SERINC3: variants seen among roughly 807,000 people sequenced by gnomAD.
The protein encoded by SERINC3 is tumor differentially expressed protein 1.
Under a neutral mutation model 52.1 loss-of-function variants are expected in SERINC3, and 22 were observed. That is an observed-to-expected ratio of 0.42 (90% confidence interval 0.30 to 0.60). SERINC3 has a LOEUF of 0.60. SERINC3 is among the 20% of genes least tolerant of loss of function. SERINC3 has a pLI of 0.16. For missense variants in SERINC3, 564 were observed against 584.6 expected (o/e 0.96, Z 0.36); for synonymous variants, 226 against 212.7 (o/e 1.06, Z -0.54).
At chr20:44,520,364 C>T (rs1568792853) in intron 1 of SERINC3, among the ~76,000 whole-genome samples, 2 of 152,172 alleles carry the variant, frequency 1.3e-5, no homozygotes, top group Admixed American at 1.3e-4. Flanking sequence ...CCCGTTCCCT[C>T]TACACCTTGT....
chr20:44,505,465 T>C (rs917866321), intron 6 of SERINC3, among the ~76,000 whole-genome samples: 6 of 132,366 alleles, frequency 4.5e-5, no homozygotes, highest in African/African-American at 1.7e-4. Context: ...GGGATTACAG[T>C]GCCCGCCACC....
Position 44,512,831 on chromosome 20 carries a change from C to T in SERINC3, c.365G>A (p.Ser122Asn), listed in dbSNP as rs1555830242. The T allele has an allele frequency of 2.5e-6, 4 of 1,575,728 alleles. No homozygotes were observed. The highest frequency in any genetic ancestry group is 2.3e-5 in the East Asian group (1 of 42,886). Residue 122 changes from serine (S) to asparagine (N), a missense_variant, in exon 3 of 10, where the codon AGT becomes AAT. Transcript: ENST00000342374. ...FSLLMFKVKT[S>N]KDLRAAVHNG... ...GTGTACTGCCGCTCGGAGATCTTTA[C>T]TTGTTTTTACTTTGAACATGAGCAG...
chr20:44,516,413 G>C (rs1823814510), intron 1 of SERINC3, among the ~76,000 whole-genome samples: 1 of 150,724 alleles, frequency 6.6e-6, no homozygotes, highest in Admixed American at 6.6e-5. Context: ...TTTTTTTTGA[G>C]ACAGGTTCTC....
At chr20:44,514,486 G>A (rs1382631788) in intron 1 of SERINC3, among the ~76,000 whole-genome samples, 3 of 152,234 alleles carry the variant, frequency 2.0e-5, no homozygotes, top group Admixed American at 6.5e-5. Context: ...CATGCCGGGC[G>A]TGGTGGCTCA....
At chr20:44,521,074 A>G (rs2064413686) in intron 1 of SERINC3, among the ~76,000 whole-genome samples, 1 of 152,166 alleles carries the variant, frequency 6.6e-6, no homozygotes, top group African/African-American at 2.4e-5. Context: ...TGTTTGGGGG[A>G]AAATCCCCAC....
Position 44,506,923 on chromosome 20 carries a change from G to C in SERINC3, c.687C>G (p.Thr229=). ...TGTTTTCTGTGCAGCCATCTGGTTTGGTGTAATATGTATAGAGCAGCCCGA... is the reference window on the plus strand; with the variant it reads ...TGTTTTCTGTGCAGCCATCTGGTTTCGTGTAATATGTATAGAGCAGCCCGA... The part of the protein sequence containing the change: ...ICVGLLYTYY[T]KPDGCTENKF... The change falls in exon 6 of 10, where the codon ACC becomes ACG. Residue 229 remains threonine (T), a synonymous_variant. Transcript: ENST00000342374. The C allele has an allele frequency of 6.2e-7, 1 of 1,613,522 alleles. No individual in the cohort carries two copies.
chr20:44,520,568 C>T (rs1482989331), intron 1 of SERINC3, among the ~76,000 whole-genome samples: 1 of 151,988 alleles, frequency 6.6e-6, no homozygotes, highest in Non-Finnish European at 1.5e-5. Context: ...AACACAGACA[C>T]GAAGATGGCA....
At chr20:44,519,535 T>A (rs1200739467) in intron 1 of SERINC3, 2 of 215,742 alleles carry the variant, frequency 9.3e-6, no homozygotes, top group African/African-American at 4.7e-5. Context: ...TAGGTCAAGG[T>A]CAGAATAATT....
At chr20:44,497,115 G>A (rs145454280), downstream of SERINC3, among the ~76,000 whole-genome samples, 1,669 of 152,258 alleles carry the variant, frequency 0.011, 17 homozygotes, top group Admixed American at 0.031. Flanking sequence ...GCCCCAACCC[G>A]CATTCCCCAA....
chr20:44,514,723 T>A (rs2064369292), intron 1 of SERINC3, among the ~76,000 whole-genome samples: 1 of 152,136 alleles, frequency 6.6e-6, no homozygotes, highest in Admixed American at 6.5e-5. Context: ...ATTGCGCCAC[T>A]GCACTCCAGC....
At chr20:44,513,818 G>A (rs1041174605) in intron 2 of SERINC3, 61 bp downstream of exon 2, 3 of 1,386,108 alleles carry the variant, frequency 2.2e-6, no homozygotes, top group Non-Finnish European at 2.9e-6. Context: ...AATAAAACTA[G>A]AATTTTGCAG....
intron 8 of SERINC3, among the ~76,000 whole-genome samples, chr20:44,503,126 G>A (rs182265382): frequency 8.9e-4 from 135 of 152,182 alleles, no homozygotes; most frequent in Middle Eastern, 6.8e-3. Flanking sequence ...CTTCAGTAAG[G>A]TATCTTCATG....
rs2064263162 is a variant in SERINC3, at chr20:44,498,846, C to A, written c.*1450G>T. 6.6e-6 allele frequency: 1 copy of A among 152,102 alleles called. No homozygotes were observed. The highest frequency in any genetic ancestry group is 6.6e-5 in the Admixed American group (1 of 15,256). 9.4% of individuals were successfully genotyped at this position (152,102 alleles called of 1,614,324 possible). ...TGATAAAGCCCTTTAAAATTCAGTC[C>A]CTGACTACATTTCCCCATTCCAGCT... On this transcript the variant is annotated 3_prime_UTR_variant, in exon 10 of 10. Transcript: ENST00000342374.
chr20:44,520,141 G>A lies in SERINC3; in HGVS notation c.39+1772C>T, dbSNP rs370591936. ...AAGGACAAAGTTCAGAAGAACTTTT[G>A]GCTGGGCATGGTGGCTCACACCCCA... On this transcript the variant is annotated intron_variant, in intron 1 of 9. Transcript: ENST00000342374. 7.9e-5 allele frequency among the ~76,000 whole-genome samples: 12 copies of A among 152,316 alleles called. 1 individual carries two copies. Among genetic ancestry groups the A allele is most frequent in the East Asian group, 1.9e-4 (1 of 5,190 alleles).
rs2064338455 is a variant in SERINC3, at chr20:44,510,179, T to C, written c.476-151A>G. The C allele has an allele frequency of 2.1e-5, 15 of 720,198 alleles. No homozygotes were observed. In the South Asian group the frequency reaches 2.7e-4, roughly 13 times the overall value. 44.6% of individuals were successfully genotyped at this position (720,198 alleles called of 1,614,324 possible). On this transcript the variant is annotated intron_variant, in intron 4 of 9. Coordinates refer to ENST00000342374, the MANE Select transcript of SERINC3 (RefSeq NM_006811.4). The stretch of plus-strand genomic sequence containing the variant: ...CAGCAAGATTCCAAACTCAACGGCA[T>C]TCTTAAAAGCTTTCTACTGGGTTTC...
At chr20:44,504,926 C>G in intron 6 of SERINC3, 35 bp from the exon 7 acceptor site, 1 of 1,552,708 alleles carries the variant, frequency 6.4e-7, no homozygotes, top group Non-Finnish European at 8.9e-7. Flanking sequence ...GGCACAGGGA[C>G]TGCCAAGGGC....
At chr20:44,496,300 G>A (rs6103753), downstream of SERINC3, 1 of 152,374 alleles carries the variant, frequency 6.6e-6, no homozygotes, top group African/African-American at 2.4e-5. Flanking sequence ...TGAGAACATA[G>A]GCATGGTGTG....
chr20:44,514,320 C>T (rs979699062), intron 1 of SERINC3, among the ~76,000 whole-genome samples: 78 of 152,160 alleles, frequency 5.1e-4, no homozygotes, highest in African/African-American at 1.9e-3. Flanking sequence ...TAAATGAGCA[C>T]TCAACACTAC....
intron 1 of SERINC3, among the ~76,000 whole-genome samples, chr20:44,514,268 G>A (rs2064366471): frequency 6.6e-6 from 1 of 152,144 alleles, no homozygotes; most frequent in African/African-American, 2.4e-5. Flanking sequence ...TTTGTAAAAT[G>A]AGCTCAATAA....
Sources: gnomAD v4.1 joint callset for allele counts (sites outside exome capture counted in the v4.1 genomes callset) on GRCh38, gnomAD v4.1.1 for gene constraint, MANE v1.5 for transcripts, NCBI Gene and HGNC (gene_info 2026-07-23, HGNC 2026-07-21) for gene names.